Variants in PABPC1 observed in about 807,000 individuals in gnomAD.
PABPC1 encodes polyadenylate-binding protein 1.
Under a neutral mutation model 74.0 loss-of-function variants are expected in PABPC1, and 4 were observed. The ratio of observed to expected loss-of-function variants is 0.05; its 90% CI spans 0.03 to 0.12. The LOEUF is 0.12. Ranked by LOEUF, PABPC1 falls within the 10% of genes least tolerant of loss-of-function variation. The pLI, the probability that PABPC1 is intolerant of heterozygous loss-of-function variation, is 1.00. For missense variants in PABPC1, 271 were observed against 821.1 expected (o/e 0.33, Z 8.19); for synonymous variants, 227 against 264.1 (o/e 0.86, Z 1.36).
chr8:100,720,435 A>G (rs1186498817), intron 1 of PABPC1, among the ~76,000 whole-genome samples: 1 of 152,228 alleles, frequency 6.6e-6, no homozygotes, highest in African/African-American at 2.4e-5. Context: ...TAAAAGAGAA[A>G]CTTGAACTTC....
chr8:100,714,057 A>T (rs1810599903), intron 4 of PABPC1, among the ~76,000 whole-genome samples: 1 of 152,222 alleles, frequency 6.6e-6, no homozygotes, highest in Non-Finnish European at 1.5e-5. Flanking sequence ...ATCTCAGGCA[A>T]GTGGGGCAGA....
chr8:100,719,304 T>A (rs200776012), intron 1 of PABPC1, among the ~76,000 whole-genome samples: 2 of 152,064 alleles, frequency 1.3e-5, no homozygotes, highest in East Asian at 3.9e-4. Context: ...TCTTTTTTTA[T>A]AAATGAAAGT....
chr8:100,716,868 TTTC>T (rs1354476145), intron 3 of PABPC1, among the ~76,000 whole-genome samples: 16 of 152,346 alleles, frequency 1.1e-4, no homozygotes, highest in Admixed American at 2.0e-4. Context: ...ACTTTGTGTA[TTTC>T]TTCTTAGGAC....
chr8:100,703,980 G>C (rs1408789298), intron 14 of PABPC1: 4 of 223,076 alleles, frequency 1.8e-5, no homozygotes, highest in Non-Finnish European at 3.5e-5. Context: ...GCTTGAACCT[G>C]GGAGGTGGAG....
Position 100,718,231 on chromosome 8 carries a change from T to G in PABPC1, c.243A>C (p.Pro81=). The G allele has an allele frequency of 3.1e-6, 5 of 1,614,212 alleles. No individual in the cohort carries two copies. The highest frequency in any genetic ancestry group is 4.2e-6 in the Non-Finnish European group (5 of 1,180,006). The change falls in exon 2 of 15, where the codon CCA becomes CCC. Residue 81 remains proline (P), a synonymous_variant. Coordinates refer to ENST00000318607, the MANE Select transcript of PABPC1 (RefSeq NM_002568.4). ...TMNFDVIKGK[P]VRIMWSQRDP... is the part of the protein sequence containing the mutation. ...CACGCTGAGACCACATGATGCGTAC[T>G]GGCTTGCCCTTTATAACATCAAAAT... is the stretch of plus-strand genomic sequence containing the variant.
intron 1 of PABPC1, 75 bp from the exon 2 acceptor site, chr8:100,718,355 G>A: frequency 4.3e-6 from 5 of 1,160,066 alleles, no homozygotes; most frequent in Non-Finnish European, 6.2e-6. Flanking sequence ...ATAAACTATG[G>A]TGACTGGAGT....
intron 14 of PABPC1, chr8:100,704,075 A>AC (rs1587142086): frequency 1.6e-5 from 6 of 366,852 alleles, no homozygotes; most frequent in South Asian, 3.5e-5. Flanking sequence ...AAAAAAAAAA[A>AC]CACCACCTGA....
intron 7 of PABPC1, among the ~76,000 whole-genome samples, chr8:100,710,374 A>C (rs1810496280): frequency 1.3e-5 from 2 of 152,240 alleles, no homozygotes; most frequent in Admixed American, 1.3e-4. Flanking sequence ...CATTAACAGT[A>C]TGCGAGTGGC....
At chr8:100,707,037 C>G in intron 9 of PABPC1, 40 bp from the exon 10 acceptor site, 1 of 1,402,520 alleles carries the variant, frequency 7.1e-7, no homozygotes, top group Non-Finnish European at 1.0e-6. Flanking sequence ...ACTGGGAAAA[C>G]TTACTGAGTG....
At chr8:100,713,506 TAG>T (rs1266218246) in intron 4 of PABPC1, among the ~76,000 whole-genome samples, 8 of 152,182 alleles carry the variant, frequency 5.3e-5, no homozygotes, top group Non-Finnish European at 1.0e-4. Context: ...CCCTTTTCTA[TAG>T]AGACAGTATA....
chr8:100,718,769 A>G (rs1810737497), intron 1 of PABPC1, among the ~76,000 whole-genome samples: 2 of 152,204 alleles, frequency 1.3e-5, no homozygotes, highest in Non-Finnish European at 2.9e-5. Context: ...TAACAATATT[A>G]TATGAAAACT....
intron 1 of PABPC1, among the ~76,000 whole-genome samples, chr8:100,719,627 G>A (rs1254497089): frequency 6.6e-6 from 1 of 152,104 alleles, no homozygotes; most frequent in Non-Finnish European, 1.5e-5. Flanking sequence ...TGGTCTACTG[G>A]TACAGACTGA....
chr8:100,718,045 G>T, intron 2 of PABPC1, 42 bp downstream of exon 2: 2 of 1,537,542 alleles, frequency 1.3e-6, no homozygotes, highest in Non-Finnish European at 1.8e-6. Context: ...ACTAAATGTA[G>T]CTCAACAATG....
chr8:100,706,316 AT>A (rs1157967093), intron 11 of PABPC1, among the ~76,000 whole-genome samples: 1 of 152,120 alleles, frequency 6.6e-6, no homozygotes, highest in African/African-American at 2.4e-5. Flanking sequence ...CTGTCTTCAC[AT>A]TTTTTCTTTT....
rs551963740 is a variant in PABPC1, at chr8:100,712,807, A to AAT, written c.739-19_739-18insAT. On this transcript the variant is annotated intron_variant, in intron 5 of 14. Transcript: ENST00000318607. ...TCCACAGCCTTCCCCCCAAAAAAAA[A>AAT]GAAAAAAAAAAAATCACAAAACTTT... 6.8e-7 allele frequency: 1 copy of AAT among 1,479,090 alleles called. No individual in the cohort carries two copies. The highest frequency in any genetic ancestry group is 8.9e-7 in the Non-Finnish European group (1 of 1,129,656). 91.6% of individuals were successfully genotyped at this position (1,479,090 alleles called of 1,614,324 possible). A position where few individuals can be genotyped will look rare whatever the true frequency, so the allele number is the denominator to read the frequency against.
Position 100,717,865 on chromosome 8 carries a change from G to A in PABPC1, c.411C>T (p.Ser137=), listed in dbSNP as rs768199034. The A allele has an allele frequency of 2.0e-5, 33 of 1,613,154 alleles. No individual in the cohort carries two copies. Among genetic ancestry groups the A allele is most frequent in the Non-Finnish European group, 2.8e-5 (33 of 1,179,494 alleles). The part of the protein sequence containing the change: ...SCKVVCDENG[S]KGYGFVHFET... ...CAAAGTGTACAAATCCATAGCCCTT[G>A]GAACCATTTTCATCACAAACCACCT... Residue 137 remains serine, a synonymous_variant, in exon 3 of 15, where the codon TCC becomes TCT. Coordinates refer to ENST00000318607, the MANE Select transcript of PABPC1 (RefSeq NM_002568.4).
intron 3 of PABPC1, among the ~76,000 whole-genome samples, chr8:100,716,347 G>C (rs1472374717): frequency 6.6e-6 from 1 of 152,110 alleles, no homozygotes; most frequent in Non-Finnish European, 1.5e-5. Context: ...GTGGCAGTGA[G>C]TAGATTGCAC....
At position 100,721,140 on chromosome 8, in the gene PABPC1, T is replaced by C. The variant is rs1048403233; in HGVS notation, c.193+251A>G. Among the ~76,000 whole-genome samples the C allele has an allele frequency of 2.6e-5, 4 of 151,988 alleles. No individual in the cohort carries two copies. The highest frequency in any genetic ancestry group is 1.3e-4 in the Admixed American group (2 of 15,274). Reference sequence around the variant, plus strand: ...TCCCGGCGCGTCATCACCCTAAAGTTTGAGAGCGTCTGAGGCCGAGAAAAT... The same window carrying C: ...TCCCGGCGCGTCATCACCCTAAAGTCTGAGAGCGTCTGAGGCCGAGAAAAT... On this transcript the variant is annotated intron_variant, in intron 1 of 14. Coordinates refer to ENST00000318607, the MANE Select transcript of PABPC1 (RefSeq NM_002568.4). This position sits in a 1 kb window ranked among gnomAD's most constrained non-coding sequence, Gnocchi z 7.4.
At chr8:100,705,912 A>T (rs931127411) in intron 11 of PABPC1, among the ~76,000 whole-genome samples, 1 of 152,210 alleles carries the variant, frequency 6.6e-6, no homozygotes, top group African/African-American at 2.4e-5. Flanking sequence ...GCAACGGCAC[A>T]ATCTTGGCTC....
Sources: gnomAD v4.1 joint callset for allele counts (sites outside exome capture counted in the v4.1 genomes callset) on GRCh38, gnomAD v4.1.1 for gene constraint, Gnocchi (gnomAD v3.1) non-coding constraint, MANE v1.5 for transcripts, NCBI Gene and HGNC (gene_info 2026-07-23, HGNC 2026-07-21) for gene names.